Variants in FOXP1 observed in about 807,000 individuals in gnomAD.
FOXP1 encodes the protein forkhead box P1.
In FOXP1, 15 loss-of-function variants were observed where a neutral mutation model predicts 98.2. The ratio of observed to expected loss-of-function variants is 0.15; its 90% CI spans 0.10 to 0.24. The LOEUF is 0.24. Ranked by LOEUF, FOXP1 falls within the 10% of genes least tolerant of loss-of-function variation. The pLI is 1.00. For missense variants in FOXP1, 633 were observed against 848.5 expected (o/e 0.75, Z 3.15); for synonymous variants, 371 against 314.5 (o/e 1.18, Z -1.90).
chr3:71,320,767 T>A (rs138415178), intron 4 of FOXP1, among the ~76,000 whole-genome samples: 1 of 152,210 alleles, frequency 6.6e-6, no homozygotes, highest in Non-Finnish European at 1.5e-5. Flanking sequence ...CTTCTTTGGT[T>A]CCTTCATAAA....
At chr3:71,232,907 TG>T (rs1453457222) in intron 5 of FOXP1, among the ~76,000 whole-genome samples, 2 of 30,870 alleles carry the variant, frequency 6.5e-5, no homozygotes, top group East Asian at 2.2e-3. Flanking sequence ...GCAAGAAAAA[TG>T]GGGACCAGGT....
At chr3:71,516,747 G>A (rs1269866228) in intron 2 of FOXP1, among the ~76,000 whole-genome samples, 1 of 152,168 alleles carries the variant, frequency 6.6e-6, no homozygotes, top group Non-Finnish European at 1.5e-5. Context: ...TTGGGAGGCT[G>A]AGGCAGGAGA....
At chr3:71,197,651 C>T (rs970914884) in intron 6 of FOXP1, among the ~76,000 whole-genome samples, 1 of 152,172 alleles carries the variant, frequency 6.6e-6, no homozygotes, top group Non-Finnish European at 1.5e-5. Flanking sequence ...ATACTCTATA[C>T]CCCCAAATCC....
At chr3:71,049,146 G>C (rs2049470744) in intron 9 of FOXP1, among the ~76,000 whole-genome samples, 1 of 152,148 alleles carries the variant, frequency 6.6e-6, no homozygotes, top group Admixed American at 6.5e-5. Flanking sequence ...TCAGTAGTCA[G>C]TGTTAAAATG....
chr3:71,129,758 G>A (rs1450413191), intron 6 of FOXP1, among the ~76,000 whole-genome samples: 1 of 152,144 alleles, frequency 6.6e-6, no homozygotes, highest in Admixed American at 6.5e-5. Context: ...CAACAGAAAG[G>A]ACTAAGAGAG....
chr3:71,233,130 G>A (rs2106792158), intron 5 of FOXP1, among the ~76,000 whole-genome samples: 1 of 151,422 alleles, frequency 6.6e-6, no homozygotes, highest in South Asian at 2.1e-4. Context: ...AGGCAACAGA[G>A]TGAGACCCTA....
At chr3:71,372,630 G>A (rs189307018) in intron 3 of FOXP1, among the ~76,000 whole-genome samples, 1 of 152,258 alleles carries the variant, frequency 6.6e-6, no homozygotes, top group African/African-American at 2.4e-5. Context: ...ACAGCACAAT[G>A]ACTGTCACAC....
At chr3:71,108,583 T>C (rs1013207613) in intron 7 of FOXP1, among the ~76,000 whole-genome samples, 3 of 152,156 alleles carry the variant, frequency 2.0e-5, no homozygotes, top group East Asian at 1.9e-4. Flanking sequence ...CTGGTCAACA[T>C]GGTGAAACCA....
chr3:71,404,096 T>G (rs111599850), intron 3 of FOXP1, among the ~76,000 whole-genome samples: 1 of 143,290 alleles, frequency 7.0e-6, no homozygotes. Context: ...TCCCCATGTA[T>G]TGGGGTTTTT....
intron 6 of FOXP1, among the ~76,000 whole-genome samples, chr3:71,189,941 T>C (rs530438784): frequency 2.6e-5 from 4 of 152,272 alleles, no homozygotes; most frequent in African/African-American, 9.6e-5. Context: ...CCAGGAGGGA[T>C]CAACAACAGG....
At chr3:71,486,358 T>C (rs1362602604) in intron 3 of FOXP1, among the ~76,000 whole-genome samples, 2 of 152,196 alleles carry the variant, frequency 1.3e-5, no homozygotes, top group East Asian at 3.9e-4. Context: ...ACAGAAGGAA[T>C]AAAAAGATTT....
chr3:71,338,082 G>GA, intron 4 of FOXP1, among the ~76,000 whole-genome samples: 1 of 152,200 alleles, frequency 6.6e-6, no homozygotes, highest in Non-Finnish European at 1.5e-5. Flanking sequence ...AGGAAAAAAT[G>GA]AAAGCATGGC....
chr3:71,310,857 G>A (rs762707700), intron 4 of FOXP1, among the ~76,000 whole-genome samples: 3 of 152,206 alleles, frequency 2.0e-5, no homozygotes, highest in Non-Finnish European at 4.4e-5. Context: ...TAACACAGCT[G>A]GAGCCAGATG....
chr3:71,383,241 A>G (rs2080311926), intron 3 of FOXP1, among the ~76,000 whole-genome samples: 1 of 152,166 alleles, frequency 6.6e-6, no homozygotes, highest in Non-Finnish European at 1.5e-5. Flanking sequence ...GCACCACTTT[A>G]CCCTTTCTTT....
At chr3:71,496,331 G>A (rs2091404630) in intron 2 of FOXP1, among the ~76,000 whole-genome samples, 1 of 152,106 alleles carries the variant, frequency 6.6e-6, no homozygotes, top group South Asian at 2.1e-4. Context: ...GTTTTGGGAG[G>A]AATTGGAAGA....
chr3:71,332,257 C>T (rs901530560), intron 4 of FOXP1: 8 of 156,272 alleles, frequency 5.1e-5, no homozygotes, highest in Non-Finnish European at 7.0e-5. Context: ...CAACTCCAGA[C>T]GCGCCGCCTT....
intron 3 of FOXP1, among the ~76,000 whole-genome samples, chr3:71,479,587 G>A (rs1188699149): frequency 6.7e-6 from 1 of 149,684 alleles, no homozygotes. Flanking sequence ...GCTGAGGCAG[G>A]AGAATCACTT....
intron 4 of FOXP1, chr3:71,332,178 G>A (rs1203360061): frequency 6.6e-6 from 1 of 152,446 alleles, no homozygotes; most frequent in Non-Finnish European, 1.5e-5. Context: ...CTGCCTTTAT[G>A]AGCTGTAACA....
intron 3 of FOXP1, among the ~76,000 whole-genome samples, chr3:71,462,691 C>G (rs1433629665): frequency 6.6e-6 from 1 of 152,194 alleles, no homozygotes; most frequent in African/African-American, 2.4e-5. Flanking sequence ...CTGGACTTGA[C>G]TCAGAAGAAA....
Sources: allele counts gnomAD v4.1 joint callset (sites outside exome capture counted in the v4.1 genomes callset), GRCh38; gene constraint gnomAD v4.1.1; transcripts MANE v1.5; gene names NCBI Gene and HGNC (gene_info 2026-07-23, HGNC 2026-07-21).